Variants in CNPY2 observed in about 807,000 individuals in gnomAD.
The protein encoded by CNPY2 is protein canopy homolog 2.
CNPY2 carries 19 observed loss-of-function variants against 25.5 expected under a neutral mutation model. That is an observed-to-expected ratio of 0.74 (90% CI 0.52 to 1.09). The LOEUF is 1.09. Among genes scored for constraint, CNPY2 ranks in the 50% least tolerant of loss-of-function variants. The pLI is 0.00. For missense variants in CNPY2, 214 were observed against 233.6 expected (o/e 0.92, Z 0.55); for synonymous variants, 82 against 85.0 (o/e 0.96, Z 0.19).
In CNPY2 at chr12:56,309,896, G is replaced by C. The variant is rs1873669383; in HGVS notation, c.*656C>G. 2.8e-6 allele frequency: 2 copies of C among 701,916 alleles called. No individual in the cohort carries two copies. Among genetic ancestry groups the C allele is most frequent in the Admixed American group, 2.0e-5 (1 of 49,966 alleles). The allele number at this position is 701,916 out of a possible 1,614,324, so 43.5% of individuals were successfully genotyped here. ...ACTGGCATCAAATTTAAAAGCTTAG[G>C]CTGGCAAGCAAGGCCTCTCATTAAA... On this transcript the variant is annotated 3_prime_UTR_variant, in exon 6 of 6. Transcript: ENST00000273308.
chr12:56,311,813 A>C, intron 3 of CNPY2: 1 of 289,314 alleles, frequency 3.5e-6, no homozygotes, highest in Non-Finnish European at 6.7e-6. Flanking sequence ...CGGCATCCCA[A>C]AGTGCTGGGA....
chr12:56,310,397 G>A lies in CNPY2; in HGVS notation c.*155C>T. 2.8e-6 allele frequency: 2 copies of A among 711,526 alleles called. No homozygotes were observed. Among genetic ancestry groups the A allele is most frequent in the South Asian group, 1.7e-5 (1 of 59,888 alleles). 44.1% of individuals were successfully genotyped at this position (711,526 alleles called of 1,614,324 possible). A position where few individuals can be genotyped will look rare whatever the true frequency, so the allele number is the denominator to read the frequency against. On this transcript the variant is annotated 3_prime_UTR_variant, in exon 6 of 6. Coordinates refer to ENST00000273308, the MANE Select transcript of CNPY2 (RefSeq NM_014255.7). The stretch of plus-strand genomic sequence containing the variant: ...CTCCTTATCTTCAAGCTTAATGTAA[G>A]GGCAATTCCAGGCATGAAAAGACAA...
chr12:56,315,562 G>A (rs904867936), intron 1 of CNPY2, among the ~76,000 whole-genome samples: 2 of 152,212 alleles, frequency 1.3e-5, no homozygotes, highest in African/African-American at 2.4e-5. Flanking sequence ...CAGGAGGTAA[G>A]TTGGCGATTA....
Position 56,310,990 on chromosome 12 carries a change from T to C in CNPY2, c.473A>G (p.Asn158Ser), listed in dbSNP as rs186850220. Reference sequence around the variant, plus strand: ...CTTACTGCAAAGTTTGTCTTTAACATTGTCAGCCTCTCGGGAAAAGAATTC... The same window carrying C: ...CTTACTGCAAAGTTTGTCTTTAACACTGTCAGCCTCTCGGGAAAAGAATTC... Reference protein sequence around the residue: ...LIEFFSREADNVKDKLCSKRT... With the variant: ...LIEFFSREADSVKDKLCSKRT... The change falls in exon 5 of 6, where the codon AAT (asparagine) becomes AGT (serine). Residue 158 changes from asparagine (N) to serine (S), a missense_variant. By Grantham distance (46) the Asn-to-Ser change is conservative. Transcript: ENST00000273308. The C allele has an allele frequency of 3.8e-5, 61 of 1,614,202 alleles. No individual in the cohort carries two copies. The highest frequency in any genetic ancestry group is 1.1e-4 in the African/African-American group (8 of 75,048).
intron 3 of CNPY2, among the ~76,000 whole-genome samples, chr12:56,314,092 G>A (rs1358363711): frequency 3.3e-5 from 5 of 152,066 alleles, no homozygotes; most frequent in Admixed American, 1.3e-4. Flanking sequence ...TAGTAGAGAC[G>A]GAGTTTCACC....
chr12:56,312,794 C>G (rs1177280911), intron 3 of CNPY2: 1 of 151,990 alleles, frequency 6.6e-6, no homozygotes, highest in Non-Finnish European at 1.5e-5. Context: ...TGGTCTCAAA[C>G]TCCCAACTTC....
intron 3 of CNPY2, chr12:56,314,453 T>C: frequency 1.8e-6 from 2 of 1,103,708 alleles, no homozygotes; most frequent in Non-Finnish European, 2.2e-6. Context: ...ATGTGTGTTG[T>C]TTTCGATTAA....
At chr12:56,313,138 A>C (rs58852079) in intron 3 of CNPY2, among the ~76,000 whole-genome samples, 6,941 of 151,966 alleles carry the variant, frequency 0.046, 223 homozygotes, top group Non-Finnish European at 0.068. Context: ...CCTAGCCCCC[A>C]ACACCCCAAC....
chr12:56,313,426 G>T (rs1164876302), intron 3 of CNPY2, among the ~76,000 whole-genome samples: 1 of 151,792 alleles, frequency 6.6e-6, no homozygotes, highest in Non-Finnish European at 1.5e-5. Context: ...GGAGGCAGAG[G>T]TTGCGGTGAG....
chr12:56,314,475 TATGAGG>T (rs781425811), intron 3 of CNPY2: 2 of 1,102,420 alleles, frequency 1.8e-6, no homozygotes, highest in African/African-American at 1.6e-5. Flanking sequence ...ATTTCCTAAT[TATGAGG>T]ATAAGACCTT....
At chr12:56,315,046 C>G in intron 2 of CNPY2, 80 bp from the exon 3 acceptor site, 1 of 1,598,148 alleles carries the variant, frequency 6.3e-7, no homozygotes, top group Non-Finnish European at 8.6e-7. Flanking sequence ...CCCAGGATTT[C>G]CATTCATCCT....
At chr12:56,310,676 G>A (rs1873690250) in intron 5 of CNPY2, 81 bp from the exon 6 acceptor site, 1 of 1,432,452 alleles carries the variant, frequency 7.0e-7, no homozygotes, top group Non-Finnish European at 9.8e-7. Flanking sequence ...CCCAGACCAA[G>A]CTGACACAAA....
At position 56,314,883 on chromosome 12, in the gene CNPY2, TC is replaced by T. The variant is rs1873844115; in HGVS notation, c.171del (p.Ile58SerfsTer32). On this transcript the variant is annotated frameshift_variant, in exon 3 of 6. Coordinates refer to ENST00000273308, the MANE Select transcript of CNPY2 (RefSeq NM_014255.7). LOFTEE classifies it high-confidence loss of function. Reference protein sequence around the residue: ...PKKTIQMGSFRINPDGSQSVV... With the variant: ...PKKTIQMGSFXINPDGSQSVV... The stretch of plus-strand genomic sequence containing the variant: ...ACTGACTGGCTGCCATCTGGATTGA[TC>T]CGGAAAGATCCCATCTGAATGGTCT... 1 of 1,614,104 alleles carries T rather than the reference TC, an allele frequency of 6.2e-7. No homozygotes were observed. The highest frequency in any genetic ancestry group is 1.1e-5 in the South Asian group (1 of 91,084).
Position 56,315,129 on chromosome 12 carries a change from C to T in CNPY2, c.88+1G>A. 6.2e-7 allele frequency: 1 copy of T among 1,613,778 alleles called. No homozygotes were observed. Among genetic ancestry groups the T allele is most frequent in the Non-Finnish European group, 8.5e-7 (1 of 1,179,640 alleles). On this transcript the variant is annotated splice_donor_variant, in intron 2 of 5. Coordinates refer to ENST00000273308, the MANE Select transcript of CNPY2 (RefSeq NM_014255.7). LOFTEE classifies it high-confidence loss of function. ...ACTTCTTTTTCCCGTTGTGCCTTTACCTCCACAGTGGAGATCCTGGCTCCT... is the reference window on the plus strand; with the variant it reads ...ACTTCTTTTTCCCGTTGTGCCTTTATCTCCACAGTGGAGATCCTGGCTCCT...
intron 3 of CNPY2, chr12:56,311,759 T>A (rs1323579108): frequency 1.4e-5 from 5 of 352,796 alleles, no homozygotes; most frequent in Non-Finnish European, 1.6e-5. Context: ...TCTGTGTTGG[T>A]CGGGCTGGTC....
Position 56,310,424 on chromosome 12 carries a change from A to G in CNPY2, c.*128T>C. On this transcript the variant is annotated 3_prime_UTR_variant, in exon 6 of 6. Coordinates refer to ENST00000273308, the MANE Select transcript of CNPY2 (RefSeq NM_014255.7). ...GCAATTCCAGGCATGAAAAGACAACACAGTTTGTACTTTTGGTTTCATATT... is the reference window on the plus strand; with the variant it reads ...GCAATTCCAGGCATGAAAAGACAACGCAGTTTGTACTTTTGGTTTCATATT... 1 of 899,570 alleles carries G rather than the reference A, an allele frequency of 1.1e-6. No homozygotes were observed. Among genetic ancestry groups the G allele is most frequent in the Non-Finnish European group, 1.8e-6 (1 of 559,402 alleles). The allele number at this position is 899,570 out of a possible 1,614,324, so 55.7% of individuals were successfully genotyped here. A position where few individuals can be genotyped will look rare whatever the true frequency, so the allele number is the denominator to read the frequency against.
rs767207272 is a variant in CNPY2, at chr12:56,310,069, T to G, written c.*483A>C. ...AAGGAAGAATAATGCATATCCGTTA[T>G]TTCCTTCAAGACCAAGCCCTGTCTT... On this transcript the variant is annotated 3_prime_UTR_variant, in exon 6 of 6. Coordinates refer to ENST00000273308, the MANE Select transcript of CNPY2 (RefSeq NM_014255.7). The G allele has an allele frequency of 2.9e-6, 2 of 686,248 alleles. 1 individual carries two copies. The highest frequency in any genetic ancestry group is 3.1e-5 in the South Asian group (2 of 64,454). 42.5% of individuals were successfully genotyped at this position (686,248 alleles called of 1,614,324 possible). A position where few individuals can be genotyped will look rare whatever the true frequency, so the allele number is the denominator to read the frequency against.
Position 56,309,985 on chromosome 12 carries a change from C to T in CNPY2, c.*567G>A, listed in dbSNP as rs1873671895. The T allele has an allele frequency of 8.5e-6, 6 of 702,252 alleles. No individual in the cohort carries two copies. Among genetic ancestry groups the T allele is most frequent in the African/African-American group, 1.7e-5 (1 of 57,268 alleles). The allele number at this position is 702,252 out of a possible 1,614,324, so 43.5% of individuals were successfully genotyped here. ...CCTTACTTTTCAGCTGAGTTGGTCA[C>T]ATCCATTTTCCCCTTCCTGTCTCTG... is the stretch of plus-strand genomic sequence containing the variant. On this transcript the variant is annotated 3_prime_UTR_variant, in exon 6 of 6. Transcript: ENST00000273308.
chr12:56,316,295 G>A (rs1287351866), upstream of CNPY2: 3 of 152,638 alleles, frequency 2.0e-5, no homozygotes, highest in South Asian at 2.1e-4. Context: ...AGGTGGGCTA[G>A]GACCTTCAAA....
Sources: allele counts gnomAD v4.1 joint callset (sites outside exome capture counted in the v4.1 genomes callset), GRCh38; gene constraint gnomAD v4.1.1; transcripts MANE v1.5; gene names NCBI Gene and HGNC (gene_info 2026-07-23, HGNC 2026-07-21).